The following ENO1 variants were observed in gnomAD, a reference collection of about 807,000 sequenced individuals.
ENO1 encodes the protein alpha-enolase.
In ENO1, 33 loss-of-function variants were observed where a neutral mutation model predicts 46.3. The observed-to-expected ratio is 0.71, with a 90% CI of 0.54 to 0.95. The LOEUF is 0.95. ENO1 is among the 40% of genes least tolerant of loss of function. The pLI is 0.00. For synonymous variants in ENO1, 220 were observed against 216.0 expected (o/e 1.02, Z -0.16); for missense variants, 488 against 553.3 (o/e 0.88, Z 1.18).
At chr1:8,876,131 A>AAAC (rs1642726944) in intron 1 of ENO1, 1 of 152,226 alleles carries the variant, frequency 6.6e-6, no homozygotes, top group African/African-American at 2.4e-5. Context: ...CTCTCCAAAG[A>AAAC]AACTAACTGA....
chr1:8,876,490 G>A (rs1234475451), intron 1 of ENO1, among the ~76,000 whole-genome samples: 1 of 152,118 alleles, frequency 6.6e-6, no homozygotes, highest in Non-Finnish European at 1.5e-5. Context: ...ATATCCCCCT[G>A]CCCCATCTCC....
intron 4 of ENO1, among the ~76,000 whole-genome samples, chr1:8,868,522 T>C (rs189623352): frequency 6.6e-6 from 1 of 152,292 alleles, no homozygotes; most frequent in East Asian, 1.9e-4. Flanking sequence ...CAAATCTTCA[T>C]CCTCTGATGG....
In ENO1 at chr1:8,878,643, G is replaced by T. The variant is rs773774836; in HGVS notation, c.-73C>A. ...GGGTGCTGCAGACACCGAGGTGAAC[G>T]TAAAGCCGGCGAGATCTCCGTGCTC... On this transcript the variant is annotated 5_prime_UTR_variant, in exon 1 of 12. Transcript: ENST00000234590. The T allele has an allele frequency of 2.2e-6, 1 of 456,108 alleles. No individual in the cohort carries two copies. The highest frequency in any genetic ancestry group is 4.4e-6 in the Non-Finnish European group (1 of 226,808). 28.3% of individuals were successfully genotyped at this position (456,108 alleles called of 1,614,324 possible).
chr1:8,867,200 C>T lies in ENO1; in HGVS notation c.361G>A (p.Ala121Thr). Residue 121 changes from alanine (A) to threonine (T), a missense_variant, in exon 6 of 12, where the codon GCT becomes ACT. Ala to Thr is a moderately conservative substitution (Grantham distance 58). Transcript: ENST00000234590. ...ILGVSLAVCKAGAVEKGVPLY... is the reference protein window; with the variant it reads ...ILGVSLAVCKTGAVEKGVPLY... ...GGGACCCCCTTCTCAACGGCACCAG[C>T]TTTGCAGACGGCAAGGGACACCCCC... 6.2e-7 allele frequency: 1 copy of T among 1,614,188 alleles called. No homozygotes were observed. The highest frequency in any genetic ancestry group is 8.5e-7 in the Non-Finnish European group (1 of 1,180,028).
intron 1 of ENO1, chr1:8,878,342 A>T: frequency 9.7e-6 from 3 of 308,812 alleles, no homozygotes; most frequent in South Asian, 7.3e-5. Context: ...GTTGATCTGC[A>T]CTTTCCCCTC....
rs373563326 is a variant in ENO1 at position 8,866,267 on chromosome 1, T to C, written c.667+12A>G. The C allele has an allele frequency of 4.2e-5, 68 of 1,613,328 alleles. 1 individual carries two copies. The highest frequency in any genetic ancestry group is 5.7e-5 in the Non-Finnish European group (67 of 1,179,878). ...AGGGCTGGGTGGGGGGGCGGTTCCC[T>C]AGCGCCTTTACCTTCTTTATTCTCC... On this transcript the variant is annotated intron_variant, in intron 7 of 11. Coordinates refer to ENST00000234590, the MANE Select transcript of ENO1 (RefSeq NM_001428.5).
chr1:8,869,460 C>T (rs772744621), intron 4 of ENO1, among the ~76,000 whole-genome samples: 1 of 152,196 alleles, frequency 6.6e-6, no homozygotes, highest in African/African-American at 2.4e-5. Flanking sequence ...AAAGGAACTC[C>T]TCCTTTTCCC....
In ENO1 at chr1:8,873,126, G is replaced by T. The variant is rs28931270; in HGVS notation, c.86-1140C>A. 2.2e-4 allele frequency among the ~76,000 whole-genome samples: 33 copies of T among 152,276 alleles called. No homozygotes were observed. In the East Asian group the frequency reaches 6.2e-3, roughly 28 times the overall value. ...CTCCCTACATATCCACCCTACACTG[G>T]ATCAGGCAAAGACAAGATGAAAACA... On this transcript the variant is annotated intron_variant, in intron 2 of 11. Coordinates refer to ENST00000234590, the MANE Select transcript of ENO1 (RefSeq NM_001428.5).
intron 2 of ENO1, among the ~76,000 whole-genome samples, chr1:8,873,292 C>G (rs1177022687): frequency 6.6e-6 from 1 of 152,192 alleles, no homozygotes; most frequent in Non-Finnish European, 1.5e-5. Context: ...TCTGCACCTT[C>G]CGCCTGCTTC....
intron 10 of ENO1, 60 bp downstream of exon 10, chr1:8,863,175 G>GT (rs1642440077): frequency 1.3e-6 from 2 of 1,584,714 alleles, no homozygotes; most frequent in South Asian, 2.2e-5. Context: ...AGCCTCACTG[G>GT]TTTTGGGTCT....
intron 6 of ENO1, 90 bp from the exon 7 acceptor site, chr1:8,866,591 C>T: frequency 4.3e-6 from 6 of 1,384,880 alleles, no homozygotes; most frequent in Non-Finnish European, 6.1e-6. Context: ...CCCAATCTAG[C>T]TCACAGATGA....
At chr1:8,862,865 T>C (rs1361756557) in intron 11 of ENO1, 22 bp downstream of exon 11, 2 of 1,612,766 alleles carry the variant, frequency 1.2e-6, no homozygotes, top group Admixed American at 1.7e-5. Flanking sequence ...ACAGGCCCCT[T>C]GTTCTCAGGA....
intron 1 of ENO1, among the ~76,000 whole-genome samples, chr1:8,877,329 C>A (rs1642756215): frequency 6.6e-6 from 1 of 151,534 alleles, no homozygotes; most frequent in Non-Finnish European, 1.5e-5. Flanking sequence ...TCAGGTGATC[C>A]TGAGGAGGCC....
chr1:8,864,195 A>C, intron 8 of ENO1, 103 bp from the exon 9 acceptor site: 2 of 1,261,278 alleles, frequency 1.6e-6, no homozygotes, highest in Middle Eastern at 2.7e-4. Context: ...GCCTGGCCTC[A>C]CAATGCCCAA....
intron 3 of ENO1, chr1:8,871,348 C>T (rs568537768): frequency 1.7e-4 from 168 of 992,142 alleles, no homozygotes; most frequent in South Asian, 1.1e-3. Flanking sequence ...CAATGTTGCA[C>T]ACACACTAAG....
chr1:8,871,713 C>G (rs1278410180), intron 3 of ENO1, 178 bp downstream of exon 3: 2 of 1,285,598 alleles, frequency 1.6e-6, no homozygotes, highest in East Asian at 5.1e-5. Context: ...CCGGAATCCA[C>G]ACACCAACTT....
intron 7 of ENO1, 26 bp from the exon 8 acceptor site, chr1:8,865,508 T>C (rs376941324): frequency 1.2e-5 from 19 of 1,610,864 alleles, no homozygotes; most frequent in Non-Finnish European, 1.6e-5. Context: ...GACAACAGGT[T>C]TGGAAAACAG....
At chr1:8,868,488 A>C (rs1642568686) in intron 4 of ENO1, among the ~76,000 whole-genome samples, 1 of 152,042 alleles carries the variant, frequency 6.6e-6, no homozygotes, top group South Asian at 2.1e-4. Context: ...TCTGCTGCTC[A>C]CTCTTGGCTA....
In ENO1 at chr1:8,866,396, T is replaced by C. The variant is rs755146456; in HGVS notation, c.550A>G (p.Ile184Val). Residue 184 changes from isoleucine (I) to valine (V), a missense_variant, in exon 7 of 12, where the codon ATT (isoleucine) becomes GTT (valine). Coordinates refer to ENST00000234590, the MANE Select transcript of ENO1 (RefSeq NM_001428.5). The stretch of plus-strand genomic sequence containing the variant: ...AGGTTGTGGTAAACCTCTGCTCCAA[T>C]GCGCATGGCTTCCCTGAAGTTTGCT... ...GAANFREAMR[I>V]GAEVYHNLKN... 95 of 1,614,124 alleles carry C rather than the reference T, an allele frequency of 5.9e-5. No individual in the cohort carries two copies. Among genetic ancestry groups the C allele is most frequent in the Non-Finnish European group, 8.0e-5 (94 of 1,180,056 alleles).
Sources: gnomAD v4.1 joint callset for allele counts (sites outside exome capture counted in the v4.1 genomes callset) on GRCh38, gnomAD v4.1.1 for gene constraint, MANE v1.5 for transcripts, NCBI Gene and HGNC (gene_info 2026-07-23, HGNC 2026-07-21) for gene names.